NRXN3: variants seen among roughly 807,000 people sequenced by gnomAD.
NRXN3 encodes the protein neurexin 3.
In NRXN3, 32 loss-of-function variants were observed where a neutral mutation model predicts 137.6. That is an observed-to-expected ratio of 0.23 (90% confidence interval 0.18 to 0.31). NRXN3 has a LOEUF of 0.31. NRXN3 is among the 10% of genes least tolerant of loss of function. NRXN3 has a pLI of 1.00. For synonymous variants in NRXN3, 798 were observed against 784.5 expected (o/e 1.02, Z -0.29); for missense variants, 1,574 against 2,062.5 (o/e 0.76, Z 4.59).
chr14:79,559,662 T>C (rs1567502085), intron 16 of NRXN3, among the ~76,000 whole-genome samples: 2 of 151,846 alleles, frequency 1.3e-5, no homozygotes, highest in Non-Finnish European at 2.9e-5. Flanking sequence ...TGAAAAAAAA[T>C]AGTGTGGATA....
At chr14:78,205,554 T>C (rs2062103811) in intron 1 of NRXN3, among the ~76,000 whole-genome samples, 2 of 152,164 alleles carry the variant, frequency 1.3e-5, no homozygotes, top group African/African-American at 4.8e-5. Flanking sequence ...AAAAAGTTGA[T>C]TGTGGCTTGG....
At chr14:78,280,941 T>C (rs2074326866) in intron 3 of NRXN3, among the ~76,000 whole-genome samples, 1 of 152,152 alleles carries the variant, frequency 6.6e-6, no homozygotes, top group Admixed American at 6.5e-5. Flanking sequence ...GTTGAGGAAG[T>C]TGGGGCCCAG....
At chr14:79,714,889 G>A (rs2098818222) in intron 19 of NRXN3, among the ~76,000 whole-genome samples, 1 of 152,068 alleles carries the variant, frequency 6.6e-6, no homozygotes, top group Admixed American at 6.6e-5. Flanking sequence ...ACTATGAAAG[G>A]CGATTGTGTT....
chr14:79,732,316 C>T (rs533080686), intron 19 of NRXN3, among the ~76,000 whole-genome samples: 6 of 152,196 alleles, frequency 3.9e-5, no homozygotes, highest in Admixed American at 6.5e-5. Context: ...AATGTTTACC[C>T]TAAGTTTGAT....
At chr14:78,763,638 A>C (rs1365632589) in intron 8 of NRXN3, among the ~76,000 whole-genome samples, 1 of 152,178 alleles carries the variant, frequency 6.6e-6, no homozygotes, top group Non-Finnish European at 1.5e-5. Flanking sequence ...AGATATCAGC[A>C]GGCCCAGATG....
At chr14:78,908,632 A>G (rs2152770526) in intron 10 of NRXN3, among the ~76,000 whole-genome samples, 1 of 152,242 alleles carries the variant, frequency 6.6e-6, no homozygotes, top group African/African-American at 2.4e-5. Context: ...AATTTCACCA[A>G]GATAAACTTG....
At chr14:79,251,207 C>A (rs898212711) in intron 15 of NRXN3, among the ~76,000 whole-genome samples, 1 of 152,096 alleles carries the variant, frequency 6.6e-6, no homozygotes, top group Non-Finnish European at 1.5e-5. Context: ...AAGATTTCTC[C>A]GGGGAAATGT....
At chr14:79,388,688 C>G (rs763214891) in intron 15 of NRXN3, among the ~76,000 whole-genome samples, 13 of 152,132 alleles carry the variant, frequency 8.5e-5, no homozygotes, top group Non-Finnish European at 1.3e-4. Context: ...TCTCTCCTAG[C>G]TATGTCTGTG....
At chr14:78,296,591 GA>G (rs2153525225) in intron 3 of NRXN3, among the ~76,000 whole-genome samples, 1 of 152,220 alleles carries the variant, frequency 6.6e-6, no homozygotes, top group East Asian at 1.9e-4. Flanking sequence ...ATTCTTCCGT[GA>G]GTATTTATCC....
intron 4 of NRXN3, among the ~76,000 whole-genome samples, chr14:78,549,157 A>G (rs1482222516): frequency 6.6e-6 from 1 of 152,144 alleles, no homozygotes; most frequent in Non-Finnish European, 1.5e-5. Context: ...TTTTTCATTT[A>G]GAGAAGCCAG....
intron 10 of NRXN3, among the ~76,000 whole-genome samples, chr14:78,953,178 C>T (rs369359921): frequency 3.3e-5 from 5 of 152,098 alleles, no homozygotes; most frequent in African/African-American, 7.2e-5. Flanking sequence ...TAATAATGCT[C>T]AAATATAGAT....
chr14:78,457,413 T>C (rs2094776624), intron 4 of NRXN3, among the ~76,000 whole-genome samples: 2 of 152,114 alleles, frequency 1.3e-5, no homozygotes, highest in Non-Finnish European at 2.9e-5. Flanking sequence ...CAAGGCCCCC[T>C]CACTTCGTTA....
chr14:78,473,401 C>CAAAA (rs34856071), intron 4 of NRXN3, among the ~76,000 whole-genome samples: 1 of 117,642 alleles, frequency 8.5e-6, no homozygotes. Context: ...GACTCTGTCT[C>CAAAA]AAAAAAAAAA....
chr14:78,561,316 GAA>G, intron 4 of NRXN3, among the ~76,000 whole-genome samples: 1 of 152,302 alleles, frequency 6.6e-6, no homozygotes, highest in East Asian at 1.9e-4. Context: ...TTCTCAGAGA[GAA>G]AAGAGGACTG....
intron 2 of NRXN3, among the ~76,000 whole-genome samples, chr14:78,256,112 T>A (rs1019837486): frequency 4.6e-5 from 7 of 152,142 alleles, no homozygotes; most frequent in Admixed American, 3.3e-4. Context: ...AACCAATGAT[T>A]TCCTATAACA....
intron 15 of NRXN3, among the ~76,000 whole-genome samples, chr14:79,046,028 A>G (rs1005904678): frequency 6.6e-6 from 1 of 152,234 alleles, no homozygotes; most frequent in Non-Finnish European, 1.5e-5. Flanking sequence ...GAATGTATCA[A>G]ATTATTCCAG....
At position 79,250,339 on chromosome 14, in the gene NRXN3, T is replaced by C. The variant is rs962904237; in HGVS notation, c.3263-216882T>C. ...AGTTTGCTTACACTGAAAGAAAAGA[T>C]AGAGAAAATGTGAACAATGTGACAA... On this transcript the variant is annotated intron_variant, in intron 15 of 20. Transcript: ENST00000335750. Among the ~76,000 whole-genome samples the C allele has an allele frequency of 5.9e-5, 9 of 152,124 alleles. No individual in the cohort carries two copies. In the East Asian group the frequency reaches 7.7e-4, roughly 13 times the overall value.
At chr14:79,219,760 A>G (rs1464310450) in intron 15 of NRXN3, among the ~76,000 whole-genome samples, 2 of 152,096 alleles carry the variant, frequency 1.3e-5, no homozygotes, top group Non-Finnish European at 2.9e-5. Context: ...GCATCCCAAC[A>G]CAGTTTTGCC....
intron 15 of NRXN3, among the ~76,000 whole-genome samples, chr14:79,447,821 T>G (rs2096089455): frequency 6.6e-6 from 1 of 152,238 alleles, no homozygotes; most frequent in African/African-American, 2.4e-5. Flanking sequence ...TTATGTGTTT[T>G]GAGATGGCCC....
Sources: allele counts gnomAD v4.1 joint callset (sites outside exome capture counted in the v4.1 genomes callset), GRCh38; gene constraint gnomAD v4.1.1; transcripts MANE v1.5; gene names NCBI Gene and HGNC (gene_info 2026-07-23, HGNC 2026-07-21).